S100PBP: variants seen among roughly 807,000 people sequenced by gnomAD.
S100PBP encodes the protein S100P-binding protein.
In S100PBP, 15 loss-of-function variants were observed where a neutral mutation model predicts 39.9. That is an observed-to-expected ratio of 0.38 (90% confidence interval 0.25 to 0.58). The LOEUF (loss-of-function observed/expected upper bound fraction) is 0.58, where lower values mean the gene tolerates loss of function less well. Ranked by LOEUF, S100PBP falls within the 20% of genes least tolerant of loss-of-function variation. S100PBP has a pLI of 0.70. For synonymous variants in S100PBP, 178 were observed against 180.3 expected (o/e 0.99, Z 0.10); for missense variants, 504 against 487.3 (o/e 1.03, Z -0.32).
rs1307801910 is a variant in S100PBP, at chr1:32,858,277, A to G, written c.*2239A>G. Reference sequence around the variant, plus strand: ...TAGGAGCACTGCCTTTGCCAAATCAAATGAGTGACAGGTTAACTAGAAAAT... The same window carrying G: ...TAGGAGCACTGCCTTTGCCAAATCAGATGAGTGACAGGTTAACTAGAAAAT... On this transcript the variant is annotated 3_prime_UTR_variant, in exon 7 of 7. Coordinates refer to ENST00000373475, the MANE Select transcript of S100PBP (RefSeq NM_022753.4). The G allele has an allele frequency of 2.0e-5, 3 of 152,648 alleles. No individual in the cohort carries two copies. The highest frequency in any genetic ancestry group is 1.3e-4 in the Admixed American group (2 of 15,276). The allele number at this position is 152,648 out of a possible 1,614,324, so 9.5% of individuals were successfully genotyped here.
chr1:32,847,267 GTC>G (rs959352749), intron 5 of S100PBP: 2 of 152,122 alleles, frequency 1.3e-5, no homozygotes, highest in African/African-American at 2.4e-5. Context: ...TACTGATGAA[GTC>G]TCTCTGCTTT....
intron 5 of S100PBP, chr1:32,843,316 GT>G (rs1640206250): frequency 3.0e-5 from 2 of 67,158 alleles, no homozygotes; most frequent in African/African-American, 3.9e-5. Flanking sequence ...TTTTCTTTTT[GT>G]TTGTTGTTGT....
At chr1:32,855,841 T>C in intron 6 of S100PBP, 83 bp from the exon 7 acceptor site, 1 of 715,564 alleles carries the variant, frequency 1.4e-6, no homozygotes, top group Non-Finnish European at 2.3e-6. Flanking sequence ...CTTCTTAAAA[T>C]TGTTGTGCTG....
intron 6 of S100PBP, among the ~76,000 whole-genome samples, chr1:32,853,724 C>T (rs535866749): frequency 2.0e-5 from 3 of 151,952 alleles, no homozygotes; most frequent in Non-Finnish European, 4.4e-5. Context: ...TGTGAGACCC[C>T]GTCGCTACAA....
chr1:32,829,214 G>A (rs1360793139), intron 4 of S100PBP, among the ~76,000 whole-genome samples: 1 of 151,846 alleles, frequency 6.6e-6, no homozygotes, highest in Non-Finnish European at 1.5e-5. Flanking sequence ...TGATTCTTTA[G>A]TACAGTCAGT....
At chr1:32,827,859 C>T (rs568255074) in intron 3 of S100PBP, 134 bp from the exon 4 acceptor site, 22 of 414,944 alleles carry the variant, frequency 5.3e-5, no homozygotes, top group South Asian at 2.2e-4. Context: ...TACTGTTATA[C>T]GTGGTACACA....
chr1:32,849,442 AAT>A (rs1158794731), intron 5 of S100PBP, among the ~76,000 whole-genome samples: 1 of 152,184 alleles, frequency 6.6e-6, no homozygotes, highest in East Asian at 1.9e-4. Flanking sequence ...TTTACTTGTG[AAT>A]AAAATGGAGG....
At chr1:32,821,666 A>T (rs1251485542) in intron 1 of S100PBP, among the ~76,000 whole-genome samples, 19 of 75,386 alleles carry the variant, frequency 2.5e-4, no homozygotes, top group Admixed American at 5.7e-4. Flanking sequence ...ATACAGTTTT[A>T]CTCTGTCACC....
rs564022307 is a variant in S100PBP at position 32,854,891 on chromosome 1, TC to T, written c.1113-1032del. 1.5e-3 allele frequency among the ~76,000 whole-genome samples: 222 copies of T among 152,296 alleles called. 2 individuals are homozygous for T. Among genetic ancestry groups the T allele is most frequent in the African/African-American group, 4.4e-3 (181 of 41,554 alleles). On this transcript the variant is annotated intron_variant, in intron 6 of 6. Coordinates refer to ENST00000373475, the MANE Select transcript of S100PBP (RefSeq NM_022753.4). ...GTAGTGTAATTGTTAATAGATAAAT[TC>T]TGGAGTCAGATGTGAATTCAAATCC...
chr1:32,818,807 T>G (rs1349300555), intron 1 of S100PBP: 1 of 152,264 alleles, frequency 6.6e-6, no homozygotes, highest in South Asian at 2.1e-4. Context: ...CTATTTTTTA[T>G]GGAGTGATAA....
chr1:32,857,255 C>G lies in S100PBP; in HGVS notation c.*1217C>G, dbSNP rs1409151653. ...TTACCTGATCTTAAGGTTTGGTATTCTAACCAAAGTTGACAGACTGTGCGT... is the reference window on the plus strand; with the variant it reads ...TTACCTGATCTTAAGGTTTGGTATTGTAACCAAAGTTGACAGACTGTGCGT... On this transcript the variant is annotated 3_prime_UTR_variant, in exon 7 of 7. Coordinates refer to ENST00000373475, the MANE Select transcript of S100PBP (RefSeq NM_022753.4). The G allele has an allele frequency of 2.6e-5, 4 of 152,144 alleles. No homozygotes were observed. Among genetic ancestry groups the G allele is most frequent in the Non-Finnish European group, 1.5e-5 (1 of 68,040 alleles). 9.4% of individuals were successfully genotyped at this position (152,144 alleles called of 1,614,324 possible).
chr1:32,830,153 T>A (rs1639531824), intron 5 of S100PBP, 86 bp downstream of exon 5: 1 of 833,758 alleles, frequency 1.2e-6, no homozygotes, highest in East Asian at 2.5e-5. Context: ...GGAGATTGTT[T>A]AGAATTTTCT....
At position 32,817,659 on chromosome 1, in the gene S100PBP, G is replaced by A. The variant is rs918787397; in HGVS notation, c.-150G>A. The A allele has an allele frequency of 1.6e-5, 4 of 252,428 alleles. No homozygotes were observed. Among genetic ancestry groups the A allele is most frequent in the Admixed American group, 4.8e-5 (1 of 20,824 alleles). The allele number at this position is 252,428 out of a possible 1,614,324, so 15.6% of individuals were successfully genotyped here. A position where few individuals can be genotyped will look rare whatever the true frequency, so the allele number is the denominator to read the frequency against. ...GCAGGGGGCGGAGTGAGGCGCAGTC[G>A]TTCGCCCAGGCTTTGGCCCGGCTTC... On this transcript the variant is annotated 5_prime_UTR_variant, in exon 1 of 7. Coordinates refer to ENST00000373475, the MANE Select transcript of S100PBP (RefSeq NM_022753.4).
At chr1:32,852,788 G>T (rs1451471187) in intron 5 of S100PBP, 1 of 303,444 alleles carries the variant, frequency 3.3e-6, no homozygotes, top group African/African-American at 2.2e-5. Context: ...CTTCATTGAG[G>T]TAGTGTCTTG....
chr1:32,851,433 A>C (rs1640602363), intron 5 of S100PBP, among the ~76,000 whole-genome samples: 1 of 152,300 alleles, frequency 6.6e-6, no homozygotes, highest in South Asian at 2.1e-4. Flanking sequence ...TGAGAGAGCA[A>C]GGTGGGTGGA....
Position 32,858,591 on chromosome 1 carries a change from T to C in S100PBP, c.*2553T>C, listed in dbSNP as rs1020995355. ...TGCAGTTGGAATTCTTGCTGTATTA[T>C]TTTTTAAGCAAGTGTTAGGTGCATT... On this transcript the variant is annotated 3_prime_UTR_variant, in exon 7 of 7. Coordinates refer to ENST00000373475, the MANE Select transcript of S100PBP (RefSeq NM_022753.4). 8 of 152,236 alleles carry C rather than the reference T, an allele frequency of 5.3e-5. No individual in the cohort carries two copies. The highest frequency in any genetic ancestry group is 2.6e-4 in the Admixed American group (4 of 15,282). 9.4% of individuals were successfully genotyped at this position (152,236 alleles called of 1,614,324 possible).
chr1:32,851,088 A>G (rs948732446), intron 5 of S100PBP, among the ~76,000 whole-genome samples: 1 of 152,188 alleles, frequency 6.6e-6, no homozygotes, highest in African/African-American at 2.4e-5. Context: ...GAAGAAGTGA[A>G]ATAATTTGCC....
chr1:32,825,503 T>C (rs1639282610), intron 2 of S100PBP, 74 bp downstream of exon 2: 1 of 152,314 alleles, frequency 6.6e-6, no homozygotes, highest in Non-Finnish European at 1.5e-5. Context: ...ATTTTTGTTT[T>C]GTGTTAAAGT....
intron 5 of S100PBP, chr1:32,834,156 G>C (rs1639720152): frequency 5.7e-6 from 1 of 176,888 alleles, no homozygotes; most frequent in Non-Finnish European, 1.4e-5. Context: ...AATTTGATAG[G>C]TAAATTTTAA....
Sources: gnomAD v4.1 joint callset for allele counts (sites outside exome capture counted in the v4.1 genomes callset) on GRCh38, gnomAD v4.1.1 for gene constraint, MANE v1.5 for transcripts, NCBI Gene and HGNC (gene_info 2026-07-23, HGNC 2026-07-21) for gene names.